Variants in PRSS8 observed in about 807,000 individuals in gnomAD.
PRSS8 encodes prostasin.
In PRSS8, 11 loss-of-function variants were observed where a neutral mutation model predicts 26.7. That is an observed-to-expected ratio of 0.41 (90% CI 0.26 to 0.68). The LOEUF is 0.68. Ranked by LOEUF, PRSS8 falls within the 30% of genes least tolerant of loss-of-function variation. The pLI is 0.30. For missense variants in PRSS8, 362 were observed against 443.5 expected (o/e 0.82, Z 1.65); for synonymous variants, 183 against 187.0 (o/e 0.98, Z 0.17).
chr16:31,131,951 G>A lies in PRSS8; in HGVS notation c.*58C>T. The A allele has an allele frequency of 6.8e-7, 1 of 1,462,658 alleles. No individual in the cohort carries two copies. Among genetic ancestry groups the A allele is most frequent in the South Asian group, 1.4e-5 (1 of 71,422 alleles). The allele number at this position is 1,462,658 out of a possible 1,614,324, so 90.6% of individuals were successfully genotyped here. Reference sequence around the variant, plus strand: ...AGGCCCTGGGTCCAAAGGCCATCAGGGAAGGACCAGGCTCCTGTCCTTGAG... The same window carrying A: ...AGGCCCTGGGTCCAAAGGCCATCAGAGAAGGACCAGGCTCCTGTCCTTGAG... On this transcript the variant is annotated 3_prime_UTR_variant, in exon 6 of 6. Coordinates refer to ENST00000317508, the MANE Select transcript of PRSS8 (RefSeq NM_002773.5).
At position 31,131,542 on chromosome 16, in the gene PRSS8, C is replaced by T. The variant is rs140647741; in HGVS notation, c.*467G>A. On this transcript the variant is annotated 3_prime_UTR_variant, in exon 6 of 6. Coordinates refer to ENST00000317508, the MANE Select transcript of PRSS8 (RefSeq NM_002773.5). ...CCTCCGGAGTCCAGGAGTCAGGGCT[C>T]GGGGGCGCTCAGCGGCCAGTGGGCA... 2.8e-4 allele frequency: 149 copies of T among 533,752 alleles called. 1 individual carries two copies. Among genetic ancestry groups the T allele is most frequent in the Middle Eastern group, 9.9e-4 (2 of 2,018 alleles). 33.1% of individuals were successfully genotyped at this position (533,752 alleles called of 1,614,324 possible).
Position 31,131,487 on chromosome 16 carries a change from G to C in PRSS8, c.*522C>G. The C allele has an allele frequency of 1.7e-6, 1 of 598,412 alleles. No homozygotes were observed. The highest frequency in any genetic ancestry group is 3.1e-5 in the Admixed American group (1 of 32,572). 37.1% of individuals were successfully genotyped at this position (598,412 alleles called of 1,614,324 possible). On this transcript the variant is annotated 3_prime_UTR_variant, in exon 6 of 6. Coordinates refer to ENST00000317508, the MANE Select transcript of PRSS8 (RefSeq NM_002773.5). ...CCTGTTACTCCCACCCCAGATCCAA[G>C]CGCCAGCCCAGTTCCGGTGGGGGCT... is the stretch of plus-strand genomic sequence containing the variant.
At chr16:31,135,023 C>T in intron 2 of PRSS8, 131 bp downstream of exon 2, 3 of 1,159,522 alleles carry the variant, frequency 2.6e-6, no homozygotes, top group South Asian at 1.5e-5. Flanking sequence ...CTAAAACCCC[C>T]CACTCTGGGA....
In PRSS8 at chr16:31,133,333, G is replaced by A. The variant is rs762864860; in HGVS notation, c.159C>T (p.Ala53=). 55 of 1,613,980 alleles carry A rather than the reference G, an allele frequency of 3.4e-5. 1 individual carries two copies. In the Middle Eastern group the frequency reaches 3.6e-3, roughly 106 times the overall value. ...TGCTGACCTGCCAGGGCCACTGACC[G>A]GCGACTGCACTGCTGCCACCTGTGA... ...ARITGGSSAV[A]GQWPWQVSIT... The change falls in exon 3 of 6, where the codon GCC becomes GCT. Residue 53 remains alanine, a synonymous_variant. Coordinates refer to ENST00000317508, the MANE Select transcript of PRSS8 (RefSeq NM_002773.5). This position sits in a 1 kb window ranked among gnomAD's most constrained non-coding sequence, Gnocchi z 4.7.
In PRSS8 at chr16:31,131,658, G is replaced by A; in HGVS notation, c.*351C>T. 2.4e-6 allele frequency: 1 copy of A among 410,006 alleles called. No individual in the cohort carries two copies. Among genetic ancestry groups the A allele is most frequent in the Non-Finnish European group, 4.4e-6 (1 of 227,444 alleles). The allele number at this position is 410,006 out of a possible 1,614,324, so 25.4% of individuals were successfully genotyped here. A position where few individuals can be genotyped will look rare whatever the true frequency, so the allele number is the denominator to read the frequency against. ...GGCAGAGAGATGTGCTCATCAGTCT[G>A]GGCAGGCGGGCCGGGAGCAGTCTTC... On this transcript the variant is annotated 3_prime_UTR_variant, in exon 6 of 6. Coordinates refer to ENST00000317508, the MANE Select transcript of PRSS8 (RefSeq NM_002773.5).
In PRSS8 at chr16:31,134,827, C is replaced by A. The variant is rs1050477578; in HGVS notation, c.103+327G>T. ...CACTGAGACTGCAGTGAGCTGCGATCGGGCCACTGCACTCCAGCCTGGGTG... is the reference window on the plus strand; with the variant it reads ...CACTGAGACTGCAGTGAGCTGCGATAGGGCCACTGCACTCCAGCCTGGGTG... On this transcript the variant is annotated intron_variant, in intron 2 of 5. Transcript: ENST00000317508. The A allele has an allele frequency of 2.6e-5, 9 of 340,706 alleles. No homozygotes were observed. In the South Asian group the frequency reaches 3.3e-4, roughly 13 times the overall value. The allele number at this position is 340,706 out of a possible 1,614,324, so 21.1% of individuals were successfully genotyped here.
chr16:31,132,720 T>C lies in PRSS8; in HGVS notation c.500A>G (p.His167Arg), dbSNP rs1567439056. 5.6e-6 allele frequency: 9 copies of C among 1,613,736 alleles called. No individual in the cohort carries two copies. Among genetic ancestry groups the C allele is most frequent in the South Asian group, 2.2e-5 (2 of 91,088 alleles). ...AANASFPNGL[H>R]CTVTGWGHVA... is the part of the protein sequence containing the mutation. ...ATGACCCCAGCCAGTGACAGTGCAG[T>C]GGAGGCCGTTGGGGAAGGAGGCGTT... is the stretch of plus-strand genomic sequence containing the variant. Residue 167 changes from histidine (H) to arginine (R), a missense_variant, in exon 4 of 6, where the codon CAC (histidine) becomes CGC (arginine). Physicochemically the swap from His to Arg is conservative, Grantham distance 29. Coordinates refer to ENST00000317508, the MANE Select transcript of PRSS8 (RefSeq NM_002773.5). The surrounding 1 kb of genome is among the most constrained non-coding windows in gnomAD (Gnocchi z 5.2).
chr16:31,135,277 C>T (rs1412394298), intron 1 of PRSS8, 106 bp from the exon 2 acceptor site: 3 of 1,595,786 alleles, frequency 1.9e-6, no homozygotes, highest in Non-Finnish European at 2.6e-6. Context: ...CTGACAGAGC[C>T]AAGGTGGGAA....
rs770297324 is a variant in PRSS8 at position 31,132,960 on chromosome 16, G to T, written c.267-7C>A. 6.2e-7 allele frequency: 1 copy of T among 1,601,764 alleles called. No individual in the cohort carries two copies. ...GGCTTCCTTGTGGTGCTCGCTGCAG[G>T]CAGGGGGCAAAGGCTGAGACCCAGG... On this transcript the variant is annotated splice_polypyrimidine_tract_variant and splice_region_variant and intron_variant, in intron 3 of 5. Coordinates refer to ENST00000317508, the MANE Select transcript of PRSS8 (RefSeq NM_002773.5). The surrounding 1 kb of genome is among the most constrained non-coding windows in gnomAD (Gnocchi z 5.2).
rs1290252191 is a variant in PRSS8, at chr16:31,132,845, G to A, written c.375C>T (p.Ser125=). The A allele has an allele frequency of 1.2e-6, 2 of 1,613,804 alleles. No homozygotes were observed. Among genetic ancestry groups the A allele is most frequent in the African/African-American group, 1.3e-5 (1 of 74,900 alleles). ...STLKDIIPHP[S]YLQEGSQGDI... is the part of the protein sequence containing the mutation. Reference sequence around the variant, plus strand: ...CGCCCTGGGAGCCCTCCTGGAGGTAGCTGGGGTGGGGGATGATGTCCTTCA... The same window carrying A: ...CGCCCTGGGAGCCCTCCTGGAGGTAACTGGGGTGGGGGATGATGTCCTTCA... Residue 125 remains serine, a synonymous_variant, in exon 4 of 6, where the codon AGC becomes AGT. Coordinates refer to ENST00000317508, the MANE Select transcript of PRSS8 (RefSeq NM_002773.5). The surrounding 1 kb of genome is among the most constrained non-coding windows in gnomAD (Gnocchi z 5.2).
chr16:31,132,051 G>C lies in PRSS8; in HGVS notation c.990C>G (p.Gly330=). The change falls in exon 6 of 6, where the codon GGC becomes GGG. Residue 330 remains glycine (G), a synonymous_variant. Coordinates refer to ENST00000317508, the MANE Select transcript of PRSS8 (RefSeq NM_002773.5). This position sits in a 1 kb window ranked among gnomAD's most constrained non-coding sequence, Gnocchi z 5.2. ...LLRPILFLPL[G]LALGLLSPWL... ...ATGGGGAGAGGAGGCCCAGAGCCAG[G>C]CCCAGAGGCAGGAAAAGGATGGGCC... The C allele has an allele frequency of 6.3e-7, 1 of 1,597,152 alleles. No individual in the cohort carries two copies. Among genetic ancestry groups the C allele is most frequent in the Non-Finnish European group, 8.5e-7 (1 of 1,171,828 alleles).
rs780342258 is a variant in PRSS8 at position 31,132,135 on chromosome 16, G to C, written c.906C>G (p.Asp302Glu). ...VVPQTQESQP[D>E]SNLCGSHLAF... is the part of the protein sequence containing the mutation. The stretch of plus-strand genomic sequence containing the variant: ...CCAGGTGGCTGCCACAGAGGTTGCT[G>C]TCGGGCTGGGACTCCTGGGTTTGGG... The change falls in exon 6 of 6, where the codon GAC becomes GAG. Residue 302 changes from aspartate (D) to glutamate (E), a missense_variant. Coordinates refer to ENST00000317508, the MANE Select transcript of PRSS8 (RefSeq NM_002773.5). This position sits in a 1 kb window ranked among gnomAD's most constrained non-coding sequence, Gnocchi z 5.2. The C allele has an allele frequency of 2.5e-6, 4 of 1,613,542 alleles. 1 individual carries two copies. Among genetic ancestry groups the C allele is most frequent in the South Asian group, 1.1e-5 (1 of 91,006 alleles).
Position 31,131,486 on chromosome 16 carries a change from A to G in PRSS8, c.*523T>C. On this transcript the variant is annotated 3_prime_UTR_variant, in exon 6 of 6. Coordinates refer to ENST00000317508, the MANE Select transcript of PRSS8 (RefSeq NM_002773.5). Reference sequence around the variant, plus strand: ...CCCTGTTACTCCCACCCCAGATCCAAGCGCCAGCCCAGTTCCGGTGGGGGC... The same window carrying G: ...CCCTGTTACTCCCACCCCAGATCCAGGCGCCAGCCCAGTTCCGGTGGGGGC... 2 of 599,436 alleles carry G rather than the reference A, an allele frequency of 3.3e-6. No homozygotes were observed. The highest frequency in any genetic ancestry group is 4.3e-5 in the South Asian group (2 of 46,558). 37.1% of individuals were successfully genotyped at this position (599,436 alleles called of 1,614,324 possible). A position where few individuals can be genotyped will look rare whatever the true frequency, so the allele number is the denominator to read the frequency against.
Position 31,132,450 on chromosome 16 carries a change from C to T in PRSS8, c.684G>A (p.Glu228=). 4 of 1,613,958 alleles carry T rather than the reference C, an allele frequency of 2.5e-6. No individual in the cohort carries two copies. Among genetic ancestry groups the T allele is most frequent in the Non-Finnish European group, 2.5e-6 (3 of 1,179,814 alleles). Reference sequence around the variant, plus strand: ...TTACCTGGCAGGCGTCCTTGCCCCCCTCCACATAGCCAGCACACACCATGT... The same window carrying T: ...TTACCTGGCAGGCGTCCTTGCCCCCTTCCACATAGCCAGCACACACCATGT... The part of the protein sequence containing the change: ...QEDMVCAGYV[E]GGKDACQGDS... Residue 228 remains glutamate (E), a synonymous_variant, in exon 5 of 6, where the codon GAG becomes GAA. Coordinates refer to ENST00000317508, the MANE Select transcript of PRSS8 (RefSeq NM_002773.5). This position sits in a 1 kb window ranked among gnomAD's most constrained non-coding sequence, Gnocchi z 5.2.
At position 31,133,288 on chromosome 16, in the gene PRSS8, A is replaced by C; in HGVS notation, c.204T>G (p.His68Gln). 1 of 1,613,928 alleles carries C rather than the reference A, an allele frequency of 6.2e-7. No homozygotes were observed. The highest frequency in any genetic ancestry group is 8.5e-7 in the Non-Finnish European group (1 of 1,179,878). The change falls in exon 3 of 6, where the codon CAT (histidine) becomes CAG (glutamine). Residue 68 changes from histidine to glutamine, a missense_variant. By Grantham distance (24) the His-to-Gln change is conservative. Coordinates refer to ENST00000317508, the MANE Select transcript of PRSS8 (RefSeq NM_002773.5). This position sits in a 1 kb window ranked among gnomAD's most constrained non-coding sequence, Gnocchi z 4.7. Reference sequence around the variant, plus strand: ...CAGACACGAGAGAGCCACCACACACATGGACGCCTTCATAGGTGATGCTGA... The same window carrying C: ...CAGACACGAGAGAGCCACCACACACCTGGACGCCTTCATAGGTGATGCTGA... ...WQVSITYEGV[H>Q]VCGGSLVSEQ...
At position 31,131,870 on chromosome 16, in the gene PRSS8, A is replaced by T; in HGVS notation, c.*139T>A. ...CACACCCAGAAGAATGGGCTCAAAGATCAAGATGGGGCCCCAGCCTCCCGC... is the reference window on the plus strand; with the variant it reads ...CACACCCAGAAGAATGGGCTCAAAGTTCAAGATGGGGCCCCAGCCTCCCGC... On this transcript the variant is annotated 3_prime_UTR_variant, in exon 6 of 6. Coordinates refer to ENST00000317508, the MANE Select transcript of PRSS8 (RefSeq NM_002773.5). 1.1e-6 allele frequency: 1 copy of T among 949,866 alleles called. No individual in the cohort carries two copies. Among genetic ancestry groups the T allele is most frequent in the East Asian group, 2.7e-5 (1 of 37,734 alleles). 58.8% of individuals were successfully genotyped at this position (949,866 alleles called of 1,614,324 possible).
chr16:31,133,166 AC>A lies in PRSS8; in HGVS notation c.266+59del, dbSNP rs774134038. The A allele has an allele frequency of 1.2e-6, 2 of 1,610,358 alleles. No individual in the cohort carries two copies. The highest frequency in any genetic ancestry group is 1.7e-6 in the Non-Finnish European group (2 of 1,178,980). On this transcript the variant is annotated intron_variant, in intron 3 of 5. Transcript: ENST00000317508. The surrounding 1 kb of genome is among the most constrained non-coding windows in gnomAD (Gnocchi z 4.7). ...CCCAACCCAAGAACCCCAACCTCTG[AC>A]CTGGATTGACCCATTAACTTTGACC...
chr16:31,133,116 C>CAGACTTAGA lies in PRSS8; in HGVS notation c.266+101_266+109dup, dbSNP rs1397775255. 1 of 1,584,618 alleles carries CAGACTTAGA rather than the reference C, an allele frequency of 6.3e-7. No individual in the cohort carries two copies. The highest frequency in any genetic ancestry group is 1.3e-5 in the African/African-American group (1 of 74,400). The stretch of plus-strand genomic sequence containing the variant: ...CACCTTCACTCCTAACTGGTCCTTC[C>CAGACTTAGA]AGACTTAGAACTGACACTCTCAGAC... On this transcript the variant is annotated intron_variant, in intron 3 of 5. Transcript: ENST00000317508. The surrounding 1 kb of genome is among the most constrained non-coding windows in gnomAD (Gnocchi z 4.7).
In PRSS8 at chr16:31,135,537, G is replaced by A. The variant is rs776870301; in HGVS notation, c.-39C>T. ...GGCCCCTGGGGCAGACTCCAGGCAC[G>A]CAAGGTAGGAAGCCTTGGGGTGGTG... is the stretch of plus-strand genomic sequence containing the variant. On this transcript the variant is annotated 5_prime_UTR_variant, in exon 1 of 6. Coordinates refer to ENST00000317508, the MANE Select transcript of PRSS8 (RefSeq NM_002773.5). 16 of 1,476,530 alleles carry A rather than the reference G, an allele frequency of 1.1e-5. No individual in the cohort carries two copies. In the South Asian group the frequency reaches 1.2e-4, roughly 11 times the overall value. 91.5% of individuals were successfully genotyped at this position (1,476,530 alleles called of 1,614,324 possible). A position where few individuals can be genotyped will look rare whatever the true frequency, so the allele number is the denominator to read the frequency against.
Sources: allele counts gnomAD v4.1 joint callset, GRCh38; gene constraint gnomAD v4.1.1; non-coding constraint Gnocchi (gnomAD v3.1); transcripts MANE v1.5; gene names NCBI Gene and HGNC (gene_info 2026-07-23, HGNC 2026-07-21).